PARN: variants seen among roughly 807,000 people sequenced by gnomAD.
The protein encoded by PARN is poly(A)-specific ribonuclease.
A neutral mutation model predicts 102.8 loss-of-function variants in PARN; 71 were observed. The ratio of observed to expected loss-of-function variants is 0.69; its 90% CI spans 0.57 to 0.84. PARN has a LOEUF of 0.84. Among genes scored for constraint, PARN ranks in the 40% least tolerant of loss-of-function variants. The pLI is 0.00. For synonymous variants in PARN, 261 were observed against 252.9 expected, an observed-to-expected ratio of 1.03 and a Z score of -0.30; for missense variants, 782 against 760.9, an observed-to-expected ratio of 1.03 and a Z score of -0.33.
At chr16:14,481,326 AG>A (rs1963369428) in intron 22 of PARN, among the ~76,000 whole-genome samples, 1 of 152,250 alleles carries the variant, frequency 6.6e-6, no homozygotes. Context: ...TGCAATAGCA[AG>A]GATGAATTTT....
intron 21 of PARN, among the ~76,000 whole-genome samples, chr16:14,489,221 T>C (rs916130609): frequency 3.5e-4 from 53 of 152,070 alleles, no homozygotes; most frequent in African/African-American, 1.2e-3. Flanking sequence ...AGAAGAGCAA[T>C]AGGTAGATGT....
At chr16:14,499,031 C>T (rs964767807) in intron 21 of PARN, among the ~76,000 whole-genome samples, 8 of 152,248 alleles carry the variant, frequency 5.3e-5, no homozygotes, top group Non-Finnish European at 1.2e-4. Context: ...CCTGCCTGGG[C>T]ATTTAACACA....
intron 22 of PARN, among the ~76,000 whole-genome samples, chr16:14,466,313 T>C (rs1270936605): frequency 1.3e-5 from 2 of 152,214 alleles, no homozygotes; most frequent in African/African-American, 4.8e-5. Flanking sequence ...TTAAAGACAA[T>C]GTTCATAGCT....
At chr16:14,542,088 T>G (rs1175259884) in intron 21 of PARN, among the ~76,000 whole-genome samples, 1 of 152,082 alleles carries the variant, frequency 6.6e-6, no homozygotes, top group African/African-American at 2.4e-5. Context: ...CAATGCAACC[T>G]TGACCTCCTG....
chr16:14,544,383 T>C (rs889436914), intron 21 of PARN, among the ~76,000 whole-genome samples: 2 of 152,060 alleles, frequency 1.3e-5, no homozygotes, highest in African/African-American at 2.4e-5. Context: ...GAGATCAGCC[T>C]GGGCAACATG....
At chr16:14,480,333 AAAAG>A (rs1458459238) in intron 22 of PARN, among the ~76,000 whole-genome samples, 2 of 152,208 alleles carry the variant, frequency 1.3e-5, no homozygotes, top group African/African-American at 4.8e-5. Flanking sequence ...GTCTCAAAAG[AAAAG>A]AAGAACAAAT....
chr16:14,613,362 C>T (rs1182149623), intron 6 of PARN, among the ~76,000 whole-genome samples: 1 of 151,094 alleles, frequency 6.6e-6, no homozygotes, highest in Non-Finnish European at 1.5e-5. Context: ...TGGCTCATGC[C>T]TATAATCCCA....
intron 18 of PARN, among the ~76,000 whole-genome samples, chr16:14,567,368 G>A (rs1325842396): frequency 6.6e-6 from 1 of 152,150 alleles, no homozygotes; most frequent in Non-Finnish European, 1.5e-5. Flanking sequence ...AGAAGAGGTT[G>A]AAAATGGAGA....
intron 18 of PARN, among the ~76,000 whole-genome samples, chr16:14,579,552 A>C (rs1969375439): frequency 6.6e-6 from 1 of 152,000 alleles, no homozygotes; most frequent in Non-Finnish European, 1.5e-5. Flanking sequence ...CATGGAAAAA[A>C]GAGCAAGACC....
At chr16:14,605,949 C>T (rs1372810162) in intron 10 of PARN, among the ~76,000 whole-genome samples, 1 of 152,120 alleles carries the variant, frequency 6.6e-6, no homozygotes, top group Non-Finnish European at 1.5e-5. Context: ...TTCCACTTAC[C>T]CACGGTATCA....
At chr16:14,590,361 G>C (rs746688801) in intron 13 of PARN, among the ~76,000 whole-genome samples, 3 of 150,632 alleles carry the variant, frequency 2.0e-5, no homozygotes, top group South Asian at 4.2e-4. Flanking sequence ...CAGGCCAGAC[G>C]TGGTGGCTCA....
chr16:14,580,846 TG>T lies in PARN; in HGVS notation c.1262+27del, dbSNP rs1969488764. 2.8e-6 allele frequency: 4 copies of T among 1,415,768 alleles called. No individual in the cohort carries two copies. In the African/African-American group the frequency reaches 4.2e-5, roughly 15 times the overall value. The allele number at this position is 1,415,768 out of a possible 1,614,324, so 87.7% of individuals were successfully genotyped here. On this transcript the variant is annotated intron_variant, in intron 18 of 23. Transcript: ENST00000437198. ...GAGGCTGTTCCACAGTGAGAGAACT[TG>T]GAAACTGGAACTCTCTGATTACTTA...
chr16:14,521,279 A>C (rs1415628612), intron 21 of PARN, among the ~76,000 whole-genome samples: 1 of 152,204 alleles, frequency 6.6e-6, no homozygotes, highest in East Asian at 1.9e-4. Flanking sequence ...TGAGGCTCCA[A>C]ACTCAACCTC....
Position 14,532,332 on chromosome 16 carries a change from A to G in PARN, c.1480+19689T>C, listed in dbSNP as rs533381038. On this transcript the variant is annotated intron_variant, in intron 21 of 23. Transcript: ENST00000437198. ...GGCAGAGGACCCTGCGGCCTTCCGC[A>G]GTGTTTGTGTCCCTGGGTACTTGAG... Among the ~76,000 whole-genome samples, 74 of 151,854 alleles carry G rather than the reference A, an allele frequency of 4.9e-4. No homozygotes were observed. In the East Asian group the frequency reaches 0.013, roughly 26 times the overall value.
Position 14,608,231 on chromosome 16 carries a change from T to C in PARN, c.659+50A>G, listed in dbSNP as rs1483403004. ...AGAACTAAGAGATTATATTTAGTCT[T>C]TAAATCCTGGGTCCCCCACAGAGCT... is the stretch of plus-strand genomic sequence containing the variant. On this transcript the variant is annotated intron_variant, in intron 9 of 23. Coordinates refer to ENST00000437198, the MANE Select transcript of PARN (RefSeq NM_002582.4). The C allele has an allele frequency of 5.2e-6, 7 of 1,342,026 alleles. No individual in the cohort carries two copies. In the East Asian group the frequency reaches 1.5e-4, roughly 29 times the overall value. The allele number at this position is 1,342,026 out of a possible 1,614,324, so 83.1% of individuals were successfully genotyped here. A position where few individuals can be genotyped will look rare whatever the true frequency, so the allele number is the denominator to read the frequency against.
At chr16:14,480,940 A>AAAT (rs1963344950) in intron 22 of PARN, among the ~76,000 whole-genome samples, 2 of 149,088 alleles carry the variant, frequency 1.3e-5, no homozygotes, top group Admixed American at 1.3e-4. Flanking sequence ...CCTGCCTCAA[A>AAAT]AAATAAATAA....
Position 14,604,142 on chromosome 16 carries a change from T to A in PARN, c.783+4A>T, listed in dbSNP as rs1317955775. On this transcript the variant is annotated splice_donor_region_variant and intron_variant, in intron 11 of 23. Transcript: ENST00000437198. Reference sequence around the variant, plus strand: ...CCCCCCAAGAATTAACATAGCCCAATTACCTGTTCTTTGGCATGTTTCTGC... The same window carrying A: ...CCCCCCAAGAATTAACATAGCCCAAATACCTGTTCTTTGGCATGTTTCTGC... The A allele has an allele frequency of 6.3e-7, 1 of 1,575,384 alleles. No individual in the cohort carries two copies. The highest frequency in any genetic ancestry group is 8.7e-7 in the Non-Finnish European group (1 of 1,150,522).
chr16:14,554,159 A>G lies in PARN; in HGVS notation c.1319-8T>C. ...GATCACGTTTAGGCTGCACTACAAGACAAATTTATGATGAAATATTGATGG... is the reference window on the plus strand; with the variant it reads ...GATCACGTTTAGGCTGCACTACAAGGCAAATTTATGATGAAATATTGATGG... On this transcript the variant is annotated splice_polypyrimidine_tract_variant and splice_region_variant and intron_variant, in intron 19 of 23. Coordinates refer to ENST00000437198, the MANE Select transcript of PARN (RefSeq NM_002582.4). 6.3e-7 allele frequency: 1 copy of G among 1,592,926 alleles called. No individual in the cohort carries two copies. Among genetic ancestry groups the G allele is most frequent in the Non-Finnish European group, 8.6e-7 (1 of 1,163,880 alleles).
At chr16:14,482,421 A>G (rs906239809) in intron 22 of PARN, among the ~76,000 whole-genome samples, 1 of 152,202 alleles carries the variant, frequency 6.6e-6, no homozygotes, top group African/African-American at 2.4e-5. Context: ...GTCTACCTCA[A>G]AGAGGTTTTG....
Sources: gnomAD v4.1 joint callset for allele counts (sites outside exome capture counted in the v4.1 genomes callset) on GRCh38, gnomAD v4.1.1 for gene constraint, MANE v1.5 for transcripts, NCBI Gene and HGNC (gene_info 2026-07-23, HGNC 2026-07-21) for gene names.